The following DPP10 variants were observed in gnomAD, a reference collection of about 807,000 sequenced individuals.
The protein encoded by DPP10 is inactive dipeptidyl peptidase 10.
In DPP10, 33 loss-of-function variants were observed where a neutral mutation model predicts 120.9. That is an observed-to-expected ratio of 0.27 (90% confidence interval 0.21 to 0.37). DPP10 has a LOEUF of 0.37. Among genes scored for constraint, DPP10 ranks in the 10% least tolerant of loss-of-function variants. DPP10 has a pLI of 1.00. For missense variants in DPP10, 816 were observed against 942.8 expected (o/e 0.87, Z 1.76); for synonymous variants, 337 against 326.1 (o/e 1.03, Z -0.36).
chr2:115,712,627 G>A (rs1245759067), intron 7 of DPP10, among the ~76,000 whole-genome samples: 1 of 134,360 alleles, frequency 7.4e-6, no homozygotes, highest in African/African-American at 2.8e-5. Context: ...CCACACTAGG[G>A]ATCAGCAACT....
At chr2:115,700,794 A>G (rs892422448) in intron 7 of DPP10, among the ~76,000 whole-genome samples, 3 of 152,016 alleles carry the variant, frequency 2.0e-5, no homozygotes, top group African/African-American at 4.8e-5. Context: ...TCTATACAAT[A>G]ACTGTGGGCA....
intron 1 of DPP10, among the ~76,000 whole-genome samples, chr2:114,510,152 G>A (rs1684008284): frequency 6.6e-6 from 1 of 152,238 alleles, no homozygotes; most frequent in Admixed American, 6.5e-5. Flanking sequence ...GGCTTCAGAA[G>A]CATTTGTAGA....
At chr2:115,153,255 G>C (rs1186303428) in intron 1 of DPP10, among the ~76,000 whole-genome samples, 2 of 152,130 alleles carry the variant, frequency 1.3e-5, no homozygotes, top group African/African-American at 2.4e-5. Flanking sequence ...ATTTTCTTCT[G>C]ATAAGAAATG....
intron 1 of DPP10, among the ~76,000 whole-genome samples, chr2:114,968,555 G>A (rs576721206): frequency 3.9e-5 from 6 of 152,084 alleles, no homozygotes; most frequent in Non-Finnish European, 8.8e-5. Context: ...AGTGGTTTCT[G>A]CATTTAGATG....
intron 1 of DPP10, among the ~76,000 whole-genome samples, chr2:114,872,945 C>G (rs1456847134): frequency 6.6e-6 from 1 of 152,156 alleles, no homozygotes; most frequent in East Asian, 1.9e-4. Flanking sequence ...TATGTGGGGA[C>G]TAGCTATCCA....
intron 1 of DPP10, among the ~76,000 whole-genome samples, chr2:114,451,859 GGTCT>G (rs1678298018): frequency 1.3e-5 from 2 of 152,086 alleles, no homozygotes; most frequent in Admixed American, 1.3e-4. Context: ...ACACGTTCCT[GGTCT>G]GTCTTTCAGG....
chr2:115,573,376 G>A (rs1402000273), intron 5 of DPP10, among the ~76,000 whole-genome samples: 2 of 147,976 alleles, frequency 1.4e-5, no homozygotes, highest in African/African-American at 5.0e-5. Context: ...TCCGCCTCCC[G>A]GGTTCACGCC....
chr2:115,220,001 A>T (rs2105408316), intron 1 of DPP10, among the ~76,000 whole-genome samples: 1 of 152,332 alleles, frequency 6.6e-6, no homozygotes, highest in African/African-American at 2.4e-5. Context: ...GATTATAACA[A>T]AAACTACTAC....
intron 1 of DPP10, among the ~76,000 whole-genome samples, chr2:115,041,662 C>T (rs991184723): frequency 6.6e-6 from 1 of 152,170 alleles, no homozygotes; most frequent in Non-Finnish European, 1.5e-5. Flanking sequence ...GGAGCCCATT[C>T]ACTCTGTTTT....
chr2:114,707,138 G>T (rs1700733945), intron 1 of DPP10: 1 of 152,044 alleles, frequency 6.6e-6, no homozygotes, highest in Admixed American at 6.6e-5. Flanking sequence ...GTTTACATGG[G>T]CCCATTAAAT....
chr2:114,588,900 C>G (rs1187916612), intron 1 of DPP10, among the ~76,000 whole-genome samples: 1 of 152,030 alleles, frequency 6.6e-6, no homozygotes, highest in Non-Finnish European at 1.5e-5. Flanking sequence ...AACCCCATCT[C>G]TTTCAGTTGC....
chr2:115,770,421 C>T (rs974961233), intron 13 of DPP10, among the ~76,000 whole-genome samples: 1 of 152,026 alleles, frequency 6.6e-6, no homozygotes, highest in Non-Finnish European at 1.5e-5. Flanking sequence ...TATAACACAG[C>T]CTTCATTGAA....
In DPP10 at chr2:115,603,148, G is replaced by GTA. The variant is rs1329319990; in HGVS notation, c.441+77177_441+77178insAT. 6.6e-3 allele frequency among the ~76,000 whole-genome samples: 993 copies of GTA among 149,900 alleles called. 58 individuals carry two copies. The highest frequency in any genetic ancestry group is 0.022 in the African/African-American group (887 of 40,704). Reference sequence around the variant, plus strand: ...TGTGTGTGTGTGTGTGTGTGTGTGTGTGTGTGTGTGTGTGTGTGTGTATAG... The same window carrying GTA: ...TGTGTGTGTGTGTGTGTGTGTGTGTGTATGTGTGTGTGTGTGTGTGTGTATAG... On this transcript the variant is annotated intron_variant, in intron 5 of 25. Coordinates refer to ENST00000410059, the MANE Select transcript of DPP10 (RefSeq NM_020868.6).
chr2:115,432,946 C>A (rs1270799818), intron 3 of DPP10, among the ~76,000 whole-genome samples: 1 of 151,896 alleles, frequency 6.6e-6, no homozygotes, highest in African/African-American at 2.4e-5. Context: ...TGATGGCATA[C>A]CTCATCCTTC....
chr2:115,708,401 T>C (rs1331092569), intron 7 of DPP10, among the ~76,000 whole-genome samples: 1 of 152,014 alleles, frequency 6.6e-6, no homozygotes, highest in African/African-American at 2.4e-5. Flanking sequence ...TTGTTTCTGA[T>C]GTGCTCTGGA....
chr2:114,773,211 T>A (rs779233372), intron 1 of DPP10, among the ~76,000 whole-genome samples: 1 of 152,138 alleles, frequency 6.6e-6, no homozygotes, highest in Non-Finnish European at 1.5e-5. Flanking sequence ...TGATTGGTAG[T>A]GGGAACAGCA....
chr2:115,428,619 G>A (rs964128952), intron 3 of DPP10, among the ~76,000 whole-genome samples: 2 of 152,184 alleles, frequency 1.3e-5, no homozygotes, highest in South Asian at 4.1e-4. Context: ...AAGCCATGAG[G>A]AAACCATTCA....
intron 1 of DPP10, among the ~76,000 whole-genome samples, chr2:114,753,908 C>CAAAAAAAAAAAAA (rs777798352): frequency 2.1e-4 from 7 of 33,746 alleles, no homozygotes; most frequent in East Asian, 6.9e-4. Context: ...GACTCCTTCT[C>CAAAAAAAAAAAAA]AAAAAAAAAA....
At chr2:115,480,170 C>T (rs1448459) in intron 3 of DPP10, among the ~76,000 whole-genome samples, 21,539 of 152,138 alleles carry the variant, frequency 0.14, 3,376 homozygotes, top group African/African-American at 0.38. Flanking sequence ...GGAATTCTGG[C>T]TCCCCCGTTC....
Sources: allele counts gnomAD v4.1 joint callset (sites outside exome capture counted in the v4.1 genomes callset), GRCh38; gene constraint gnomAD v4.1.1; transcripts MANE v1.5; gene names NCBI Gene and HGNC (gene_info 2026-07-23, HGNC 2026-07-21).